The following DCC variants were observed in gnomAD, a reference collection of about 807,000 sequenced individuals.
DCC encodes the protein netrin receptor DCC.
A neutral mutation model predicts 172.5 loss-of-function variants in DCC; 58 were observed. The observed-to-expected ratio is 0.34, with a 90% confidence interval of 0.27 to 0.42. The LOEUF (loss-of-function observed/expected upper bound fraction) is 0.42. Among genes scored for constraint, DCC ranks in the 10% least tolerant of loss-of-function variants. The pLI is 1.00. For synonymous variants in DCC, 709 were observed against 644.5 expected, an observed-to-expected ratio of 1.10 and a Z score of -1.52; for missense variants, 1,740 against 1,791.0, an observed-to-expected ratio of 0.97 and a Z score of 0.51.
At chr18:52,562,230 G>A (rs928685331) in intron 1 of DCC, among the ~76,000 whole-genome samples, 1 of 152,176 alleles carries the variant, frequency 6.6e-6, no homozygotes, top group African/African-American at 2.4e-5. Context: ...TTTTACCTTG[G>A]CCCTAAAGGA....
At chr18:52,868,417 T>C (rs867616196) in intron 2 of DCC, among the ~76,000 whole-genome samples, 3 of 152,170 alleles carry the variant, frequency 2.0e-5, no homozygotes, top group South Asian at 2.1e-4. Context: ...GGCATTTGTA[T>C]GCGTGTAGCA....
chr18:52,365,915 C>G (rs1486313762), intron 1 of DCC, among the ~76,000 whole-genome samples: 1 of 152,136 alleles, frequency 6.6e-6, no homozygotes, highest in Non-Finnish European at 1.5e-5. Context: ...TGGACTTAAC[C>G]TGCAGTCCAT....
chr18:53,197,087 A>G (rs2055455421), intron 9 of DCC, among the ~76,000 whole-genome samples: 1 of 152,118 alleles, frequency 6.6e-6, no homozygotes, highest in African/African-American at 2.4e-5. Flanking sequence ...CAATCAAAGC[A>G]TATACTTTAT....
intron 9 of DCC, among the ~76,000 whole-genome samples, chr18:53,188,147 A>G (rs929176498): frequency 6.6e-6 from 1 of 152,172 alleles, no homozygotes. Flanking sequence ...AAATCCATCA[A>G]CACTTTAAGA....
At chr18:53,449,272 C>G (rs2045376036) in intron 22 of DCC, among the ~76,000 whole-genome samples, 2 of 152,120 alleles carry the variant, frequency 1.3e-5, no homozygotes. Flanking sequence ...ACAAACATGA[C>G]TGACATAGAA....
chr18:52,896,148 T>G (rs2039726490), intron 2 of DCC, among the ~76,000 whole-genome samples: 1 of 152,178 alleles, frequency 6.6e-6, no homozygotes, highest in South Asian at 2.1e-4. Flanking sequence ...CAATTCACAC[T>G]TTCACAGTAT....
intron 7 of DCC, among the ~76,000 whole-genome samples, chr18:53,138,754 C>T (rs939260934): frequency 6.6e-6 from 1 of 152,026 alleles, no homozygotes; most frequent in Non-Finnish European, 1.5e-5. Flanking sequence ...AACAATATAC[C>T]CTTGGGTTTA....
intron 9 of DCC, among the ~76,000 whole-genome samples, chr18:53,194,416 A>T (rs1490712546): frequency 1.3e-5 from 2 of 150,272 alleles, no homozygotes; most frequent in African/African-American, 4.9e-5. Flanking sequence ...TCTATCAGGG[A>T]CTCTGTTGGC....
intron 1 of DCC, among the ~76,000 whole-genome samples, chr18:52,635,883 C>A (rs770251299): frequency 6.6e-6 from 1 of 152,122 alleles, no homozygotes; most frequent in African/African-American, 2.4e-5. Context: ...ACAGAGCAGC[C>A]GGCAGCGGCT....
chr18:53,202,535 A>G (rs1443653266), intron 9 of DCC, among the ~76,000 whole-genome samples: 1 of 152,234 alleles, frequency 6.6e-6, no homozygotes, highest in Non-Finnish European at 1.5e-5. Context: ...CCACCATGCT[A>G]GAAATGGACT....
chr18:52,745,395 C>T (rs1464116510), intron 1 of DCC, among the ~76,000 whole-genome samples: 6 of 152,228 alleles, frequency 3.9e-5, no homozygotes, highest in African/African-American at 1.4e-4. Context: ...GTGAGAATTA[C>T]CTGGAAGACT....
intron 21 of DCC, among the ~76,000 whole-genome samples, chr18:53,419,856 T>C (rs1167121170): frequency 6.6e-6 from 1 of 151,730 alleles, no homozygotes; most frequent in Non-Finnish European, 1.5e-5. Flanking sequence ...TTTTTATTTA[T>C]TTTTTTTAAT....
intron 2 of DCC, among the ~76,000 whole-genome samples, chr18:52,801,073 C>G (rs372920591): frequency 6.6e-6 from 1 of 152,134 alleles, no homozygotes; most frequent in Non-Finnish European, 1.5e-5. Context: ...GAGTGAGAGT[C>G]TCAGTGTGCA....
chr18:52,533,201 A>G (rs1295857866), intron 1 of DCC, among the ~76,000 whole-genome samples: 2 of 152,158 alleles, frequency 1.3e-5, no homozygotes, highest in Non-Finnish European at 2.9e-5. Context: ...GGATATCGAC[A>G]TTTGATACAA....
At chr18:53,266,553 G>A (rs1308435605) in intron 12 of DCC, among the ~76,000 whole-genome samples, 1 of 151,996 alleles carries the variant, frequency 6.6e-6, no homozygotes, top group Non-Finnish European at 1.5e-5. Flanking sequence ...CGTTGTTGAA[G>A]TGTAATTCAC....
At chr18:53,351,348 TAC>T (rs1317403637) in intron 15 of DCC, among the ~76,000 whole-genome samples, 8 of 54,730 alleles carry the variant, frequency 1.5e-4, no homozygotes, top group Non-Finnish European at 3.1e-4. Flanking sequence ...TATATATATA[TAC>T]ACAGTATATA....
chr18:52,368,338 G>T (rs769220117), intron 1 of DCC, among the ~76,000 whole-genome samples: 4 of 152,086 alleles, frequency 2.6e-5, no homozygotes, highest in Non-Finnish European at 5.9e-5. Context: ...GTAAGTAGTT[G>T]TTTTGGGGGC....
At chr18:52,879,355 A>C (rs115711126) in intron 2 of DCC, among the ~76,000 whole-genome samples, 204 of 141,062 alleles carry the variant, frequency 1.4e-3, no homozygotes, top group African/African-American at 5.3e-3. Flanking sequence ...TTGGGAAGTT[A>C]TTCTCCCAAT....
At chr18:52,800,282 A>G (rs8091530) in intron 2 of DCC, among the ~76,000 whole-genome samples, 12,965 of 151,556 alleles carry the variant, frequency 0.086, 1,785 homozygotes, top group African/African-American at 0.29. Flanking sequence ...ATGACATTCA[A>G]TGTTTTAAAT....
Sources: allele counts gnomAD v4.1 joint callset (sites outside exome capture counted in the v4.1 genomes callset), GRCh38; gene constraint gnomAD v4.1.1; transcripts MANE v1.5; gene names NCBI Gene and HGNC (gene_info 2026-07-23, HGNC 2026-07-21).